CFAP44: variants seen among roughly 807,000 people sequenced by gnomAD.
The protein encoded by CFAP44 is cilia- and flagella-associated protein 44.
A neutral mutation model predicts 216.2 loss-of-function variants in CFAP44; 134 were observed. That is an observed-to-expected ratio of 0.62 (90% CI 0.54 to 0.72). The LOEUF (loss-of-function observed/expected upper bound fraction) is 0.72. CFAP44 is among the 30% of genes least tolerant of loss of function. CFAP44 has a pLI of 0.00. For synonymous variants in CFAP44, 700 were observed against 727.6 expected, an observed-to-expected ratio of 0.96 and a Z score of 0.61; for missense variants, 2,035 against 2,182.1, an observed-to-expected ratio of 0.93 and a Z score of 1.34.
chr3:113,401,413 G>A (rs1934138354), intron 10 of CFAP44, 126 bp from the exon 11 acceptor site: 1 of 1,188,978 alleles, frequency 8.4e-7, no homozygotes, highest in Non-Finnish European at 1.2e-6. Flanking sequence ...ATATTTTAAA[G>A]TATAATTGAA....
chr3:113,304,108 C>A lies in CFAP44; in HGVS notation c.4885G>T (p.Val1629Leu), dbSNP rs1280113982. ...TCGCTAGGTATTTCTCCAAATACCA[C>A]ATACTCTATCTACAAGCATAAAACA... ...IPLKLHQIEYVVFGEIPSDLS... is the reference protein window; with the variant it reads ...IPLKLHQIEYLVFGEIPSDLS... Residue 1629 changes from valine (V) to leucine (L), a missense_variant, in exon 32 of 35, where the codon GTG becomes TTG. Val to Leu is a conservative substitution (Grantham distance 32). This residue lies in a region of CFAP44 where 1,883 missense variants were observed against 2,023.7 expected (regional missense o/e 0.93). Transcript: ENST00000393845. The A allele has an allele frequency of 6.5e-7, 1 of 1,536,888 alleles. No homozygotes were observed. Among genetic ancestry groups the A allele is most frequent in the South Asian group, 1.2e-5 (1 of 83,992 alleles).
intron 25 of CFAP44, among the ~76,000 whole-genome samples, chr3:113,332,422 T>C (rs538159404): frequency 5.9e-5 from 9 of 152,280 alleles, no homozygotes; most frequent in Non-Finnish European, 1.0e-4. Flanking sequence ...CACCCCTTCC[T>C]CAGGACATTT....
At chr3:113,337,147 T>C (rs1950288339) in intron 24 of CFAP44, among the ~76,000 whole-genome samples, 1 of 150,938 alleles carries the variant, frequency 6.6e-6, no homozygotes, top group African/African-American at 2.4e-5. Flanking sequence ...ATCAATTATA[T>C]TTCTATGCTA....
In CFAP44 at chr3:113,401,306, ATTTTG is replaced by A. The variant is rs1450840538; in HGVS notation, c.1327-24_1327-20del. 7.6e-6 allele frequency: 12 copies of A among 1,570,260 alleles called. No homozygotes were observed. In the Admixed American group the frequency reaches 1.9e-4, roughly 24 times the overall value. Reference sequence around the variant, plus strand: ...TGGCATCCTAAAAAAATTAAATAGTATTTTGTTTTATCATTTTAAACTTTCATCAG... The same window carrying A: ...TGGCATCCTAAAAAAATTAAATAGTATTTTATCATTTTAAACTTTCATCAG... On this transcript the variant is annotated intron_variant, in intron 10 of 34. Transcript: ENST00000393845.
intron 33 of CFAP44, among the ~76,000 whole-genome samples, chr3:113,296,253 C>G (rs1949879318): frequency 6.6e-6 from 1 of 152,124 alleles, no homozygotes; most frequent in African/African-American, 2.4e-5. Context: ...CGTAGTAATC[C>G]ATGGTATTCT....
intron 15 of CFAP44, among the ~76,000 whole-genome samples, chr3:113,385,406 A>C (rs1933621142): frequency 6.6e-6 from 1 of 152,206 alleles, no homozygotes; most frequent in Non-Finnish European, 1.5e-5. Flanking sequence ...TAGAAAGAAA[A>C]GATGTTATAG....
In CFAP44 at chr3:113,395,991, G is replaced by T. The variant is rs376980445; in HGVS notation, c.1780-131C>A. ...TCATATATCCCAGATTATTCTAGGA[G>T]AATTCTTATTTCTAAAACTTGCTCA... On this transcript the variant is annotated intron_variant, in intron 14 of 34. Coordinates refer to ENST00000393845, the MANE Select transcript of CFAP44 (RefSeq NM_001164496.2). The T allele has an allele frequency of 2.9e-4, 176 of 615,836 alleles. 2 individuals carry two copies. The highest frequency in any genetic ancestry group is 4.2e-4 in the Non-Finnish European group (159 of 379,708). 38.1% of individuals were successfully genotyped at this position (615,836 alleles called of 1,614,324 possible). A position where few individuals can be genotyped will look rare whatever the true frequency, so the allele number is the denominator to read the frequency against.
Position 113,365,957 on chromosome 3 carries a change from T to C in CFAP44, c.2715+82A>G, listed in dbSNP as rs1950582956. ...GTGAATGTGTCTAAATAACTTTTAA[T>C]TTATAACGAATATGAACAATTTTAA... On this transcript the variant is annotated intron_variant, in intron 19 of 34. Transcript: ENST00000393845. The C allele has an allele frequency of 2.8e-6, 4 of 1,452,198 alleles. No homozygotes were observed. In the Admixed American group the frequency reaches 6.8e-5, roughly 25 times the overall value. The allele number at this position is 1,452,198 out of a possible 1,614,324, so 90.0% of individuals were successfully genotyped here.
At chr3:113,333,977 G>A (rs554038292) in intron 24 of CFAP44, among the ~76,000 whole-genome samples, 30 of 145,958 alleles carry the variant, frequency 2.1e-4, no homozygotes, top group East Asian at 1.6e-3. Context: ...TTTTTGAGAC[G>A]GAGTCTCACT....
chr3:113,395,708 GTAAT>G, intron 15 of CFAP44, 38 bp downstream of exon 15: 1 of 1,508,702 alleles, frequency 6.6e-7, no homozygotes, highest in Non-Finnish European at 9.1e-7. Flanking sequence ...TCACTATGTA[GTAAT>G]TGAGATTCAA....
chr3:113,380,836 G>C, intron 16 of CFAP44, 63 bp downstream of exon 16: 1 of 1,333,946 alleles, frequency 7.5e-7, no homozygotes, highest in South Asian at 1.9e-5. Context: ...ACTTAACATA[G>C]GATATTTTAT....
In CFAP44 at chr3:113,345,750, T is replaced by C. The variant is rs142283493; in HGVS notation, c.3066-1038A>G. ...GTTATTTGGGGGCATTGGTTCATAA[T>C]TATCACACACACACAAACAAGCACT... On this transcript the variant is annotated intron_variant, in intron 22 of 34. Transcript: ENST00000393845. 3.1e-3 allele frequency among the ~76,000 whole-genome samples: 467 copies of C among 152,254 alleles called. 6 individuals carry two copies. The highest frequency in any genetic ancestry group is 0.011 in the African/African-American group (443 of 41,530).
chr3:113,375,154 T>TAGAGTG (rs11281855), intron 17 of CFAP44, among the ~76,000 whole-genome samples: 82,637 of 151,338 alleles, frequency 0.55, 24,139 homozygotes, highest in African/African-American at 0.76. Context: ...AGAAAGAAAG[T>TAGAGTG]ATGGTTGCCA....
chr3:113,305,042 G>T lies in CFAP44; in HGVS notation c.4869C>A (p.Leu1623=). 1 of 1,537,208 alleles carries T rather than the reference G, an allele frequency of 6.5e-7. No individual in the cohort carries two copies. The highest frequency in any genetic ancestry group is 8.7e-7 in the Non-Finnish European group (1 of 1,146,896). The change falls in exon 31 of 35, where the codon CTC becomes CTA. Residue 1623 remains leucine, a synonymous_variant. Coordinates refer to ENST00000393845, the MANE Select transcript of CFAP44 (RefSeq NM_001164496.2). ...NELLVVIPLK[L]HQIEYVVFGE... ...GCCTCCCCAGACGCATCACCTGGTG[G>T]AGCTTGAGCGGAATCACAACTAGCA...
intron 4 of CFAP44, among the ~76,000 whole-genome samples, chr3:113,423,156 C>T (rs533281303): frequency 1.7e-4 from 25 of 144,312 alleles, no homozygotes; most frequent in African/African-American, 6.1e-4. Context: ...ACTTTGTCAC[C>T]CAGCCTGGAG....
intron 12 of CFAP44, 122 bp from the exon 13 acceptor site, chr3:113,400,122 T>C: frequency 1.6e-6 from 1 of 606,546 alleles, no homozygotes; most frequent in Non-Finnish European, 2.6e-6. Flanking sequence ...TCAATAACTT[T>C]CTTTTGTAAA....
rs201080398 is a variant in CFAP44 at position 113,376,810 on chromosome 3, ATAAAAT to A, written c.2298+2490_2298+2495del. Among the ~76,000 whole-genome samples the A allele has an allele frequency of 8.5e-3, 1,299 of 152,342 alleles. 19 individuals are homozygous for A. Among genetic ancestry groups the A allele is most frequent in the African/African-American group, 0.03 (1,243 of 41,576 alleles). ...GGAAAAGGAAAGAGAGGTTCAGGAA[ATAAAAT>A]TAAGATTAGTACTAGAGCATGTTTG... is the stretch of plus-strand genomic sequence containing the variant. On this transcript the variant is annotated intron_variant, in intron 17 of 34. Transcript: ENST00000393845.
chr3:113,363,499 T>C lies in CFAP44; in HGVS notation c.2749A>G (p.Ile917Val), dbSNP rs758325441. Residue 917 changes from isoleucine (I) to valine (V), a missense_variant, in exon 20 of 35, where the codon ATT becomes GTT. Physicochemically the swap from Ile to Val is conservative, Grantham distance 29. This residue lies in a region of CFAP44 where 1,883 missense variants were observed against 2,023.7 expected (regional missense o/e 0.93). Transcript: ENST00000393845. The stretch of plus-strand genomic sequence containing the variant: ...TACCTGTAGGCTTTGGGATCTTCAA[T>C]GTCTTCTGGAATTGGCTCTGTTTCA... ...GIETEPIPED[I>V]EDPKAYSIEN... 6.8e-6 allele frequency: 11 copies of C among 1,611,102 alleles called. No homozygotes were observed. Among genetic ancestry groups the C allele is most frequent in the South Asian group, 6.7e-5 (6 of 89,830 alleles).
chr3:113,401,058 A>C (rs1171607026), intron 11 of CFAP44, among the ~76,000 whole-genome samples, 182 bp downstream of exon 11: 1 of 152,208 alleles, frequency 6.6e-6, no homozygotes, highest in Non-Finnish European at 1.5e-5. Flanking sequence ...GTGTTATGAG[A>C]TAGATTCTTT....
Sources: allele counts gnomAD v4.1 joint callset (sites outside exome capture counted in the v4.1 genomes callset), GRCh38; gene constraint gnomAD v4.1.1; regional missense constraint gnomAD v4.1.1; transcripts MANE v1.5; gene names NCBI Gene and HGNC (gene_info 2026-07-23, HGNC 2026-07-21).